The following CFAP96 variants were observed in gnomAD, a reference collection of about 807,000 sequenced individuals.
The protein encoded by CFAP96 is cilia and flagella associated protein 96, also known as cilia-and flagella-associated protein 96.
chr4:185,426,865 T>A, the CFAP96 span, among the ~76,000 whole-genome samples: 2 of 89,448 alleles, frequency 2.2e-5, no homozygotes, highest in East Asian at 3.6e-4. Flanking sequence ...AACCCCTGTC[T>A]CTACTAAAAA....
chr4:185,435,489 G>C, the CFAP96 span, among the ~76,000 whole-genome samples: 1 of 152,142 alleles, frequency 6.6e-6, no homozygotes, highest in African/African-American at 2.4e-5. Flanking sequence ...TAAAGTGCTG[G>C]ATAGTAAATA....
At chr4:185,408,434 A>G in the CFAP96 span, 1 of 1,613,236 alleles carries the variant, frequency 6.2e-7, no homozygotes, top group Non-Finnish European at 8.5e-7. Flanking sequence ...GACCACATAA[A>G]TCTATATACA....
chr4:185,435,236 A>G, the CFAP96 span, among the ~76,000 whole-genome samples: 1 of 152,168 alleles, frequency 6.6e-6, no homozygotes, highest in Non-Finnish European at 1.5e-5. Context: ...ATGCTTTCCT[A>G]CCATTTGTAG....
chr4:185,418,080 C>T, the CFAP96 span, among the ~76,000 whole-genome samples: 12,787 of 40,898 alleles, frequency 0.31, 956 homozygotes, highest in African/African-American at 0.43. Context: ...ACAACAGAAC[C>T]AAGAGTAGTG....
the CFAP96 span, among the ~76,000 whole-genome samples, chr4:185,425,451 G>A: frequency 1.3e-5 from 2 of 152,128 alleles, no homozygotes; most frequent in African/African-American, 4.8e-5. Flanking sequence ...CCACCATTTA[G>A]GATAGGGATT....
the CFAP96 span, chr4:185,429,495 T>C: frequency 2.0e-6 from 3 of 1,528,132 alleles, no homozygotes. Flanking sequence ...GTGATAAATA[T>C]GTGTCACAAT....
At chr4:185,413,942 G>T in the CFAP96 span, 49 of 1,374,806 alleles carry the variant, frequency 3.6e-5, no homozygotes, top group Admixed American at 1.1e-4. Context: ...AATAAATAAA[G>T]ATGTTATTAA....
the CFAP96 span, among the ~76,000 whole-genome samples, chr4:185,434,723 C>T: frequency 7.2e-5 from 11 of 151,874 alleles, no homozygotes; most frequent in South Asian, 2.3e-3. Context: ...ATTATGGAAC[C>T]GTAGGCATTT....
chr4:185,425,723 G>T, the CFAP96 span: 3 of 1,281,212 alleles, frequency 2.3e-6, no homozygotes, highest in Non-Finnish European at 3.3e-6. Context: ...GCGAACTGGA[G>T]AGCCGCCCTG....
chr4:185,444,756 C>T, the CFAP96 span, among the ~76,000 whole-genome samples: 47 of 152,112 alleles, frequency 3.1e-4, no homozygotes, highest in African/African-American at 1.1e-3. Flanking sequence ...TAAACATTGT[C>T]ATTTTTATAG....
the CFAP96 span, chr4:185,418,844 A>C: frequency 8.4e-7 from 1 of 1,189,350 alleles, no homozygotes; most frequent in Non-Finnish European, 1.1e-6. Context: ...ACATACACAA[A>C]AGTAGAGCAT....
At chr4:185,449,736 C>A in the CFAP96 span, 1 of 828,776 alleles carries the variant, frequency 1.2e-6, no homozygotes, top group Non-Finnish European at 1.8e-6. Context: ...TGTTATGGAG[C>A]AGATAGCTCA....
At chr4:185,444,183 G>A in the CFAP96 span, among the ~76,000 whole-genome samples, 1 of 150,914 alleles carries the variant, frequency 6.6e-6, no homozygotes, top group Non-Finnish European at 1.5e-5. Flanking sequence ...TCGATCTCCT[G>A]ACCTCATGAT....
the CFAP96 span, chr4:185,408,534 C>CT: frequency 2.4e-6 from 3 of 1,242,968 alleles, no homozygotes; most frequent in African/African-American, 1.5e-5. Flanking sequence ...TAGAGTTAGA[C>CT]TGTTACTTTA....
At chr4:185,432,074 C>G in the CFAP96 span, 6 of 1,551,586 alleles carry the variant, frequency 3.9e-6, no homozygotes, top group Non-Finnish European at 5.2e-6. Context: ...TTTTGATCCC[C>G]ATTTTGTAAG....
At chr4:185,446,711 A>G in the CFAP96 span, among the ~76,000 whole-genome samples, 12,261 of 75,144 alleles carry the variant, frequency 0.16, 581 homozygotes, top group South Asian at 0.37. Context: ...CAGACATAGT[A>G]TCTATAGCCC....
At chr4:185,425,960 G>C in the CFAP96 span, 1 of 1,484,932 alleles carries the variant, frequency 6.7e-7, no homozygotes, top group South Asian at 1.2e-5. Flanking sequence ...GCCCAGGGGC[G>C]GGGCCCGGGC....
chr4:185,438,773 G>A, the CFAP96 span, among the ~76,000 whole-genome samples: 2 of 152,128 alleles, frequency 1.3e-5, no homozygotes, highest in Non-Finnish European at 2.9e-5. Flanking sequence ...GGTGTGATAG[G>A]AGCTATGCTC....
the CFAP96 span, among the ~76,000 whole-genome samples, chr4:185,442,698 C>G: frequency 6.6e-6 from 1 of 152,114 alleles, no homozygotes; most frequent in East Asian, 1.9e-4. Flanking sequence ...AATAGGATAC[C>G]TTTAGTTTTT....
Sources: allele counts gnomAD v4.1 joint callset (sites outside exome capture counted in the v4.1 genomes callset), GRCh38; gene constraint gnomAD v4.1.1; transcripts MANE v1.5; gene names NCBI Gene and HGNC (gene_info 2026-07-23, HGNC 2026-07-21).